Variants in MINDY3 observed in about 807,000 individuals in gnomAD.
MINDY3 encodes the protein ubiquitin carboxyl-terminal hydrolase MINDY-3.
A neutral mutation model predicts 69.2 loss-of-function variants in MINDY3; 38 were observed. The observed-to-expected ratio is 0.55, with a 90% CI of 0.42 to 0.72. The LOEUF (loss-of-function observed/expected upper bound fraction) is 0.72, where lower values mean the gene tolerates loss of function less well. Among genes scored for constraint, MINDY3 ranks in the 30% least tolerant of loss-of-function variants. MINDY3 has a pLI of 0.00. For missense variants in MINDY3, 522 were observed against 519.0 expected, an observed-to-expected ratio of 1.01 and a Z score of -0.06; for synonymous variants, 192 against 180.1, an observed-to-expected ratio of 1.07 and a Z score of -0.53.
At chr10:15,850,848 C>T (rs1489165700) in intron 1 of MINDY3, among the ~76,000 whole-genome samples, 1 of 152,144 alleles carries the variant, frequency 6.6e-6, no homozygotes, top group Non-Finnish European at 1.5e-5. Flanking sequence ...ATGGAACCTG[C>T]TGACATGTGA....
intron 1 of MINDY3, chr10:15,858,019 G>T: frequency 1.3e-6 from 1 of 786,160 alleles, no homozygotes; most frequent in Non-Finnish European, 1.5e-6. Flanking sequence ...GCAAAGCAGT[G>T]TCTTGTGCCT....
At chr10:15,812,258 A>G (rs568908447) in intron 10 of MINDY3, among the ~76,000 whole-genome samples, 5 of 152,318 alleles carry the variant, frequency 3.3e-5, no homozygotes, top group African/African-American at 1.2e-4. Flanking sequence ...GATTTATTCT[A>G]TAAATTTCAA....
At chr10:15,842,883 G>C (rs1412098951) in intron 3 of MINDY3, among the ~76,000 whole-genome samples, 2 of 132,694 alleles carry the variant, frequency 1.5e-5, no homozygotes, top group Non-Finnish European at 3.1e-5. Flanking sequence ...CTGAGGTCTT[G>C]CCCACAGCTA....
At chr10:15,846,881 G>T (rs893652169) in intron 2 of MINDY3, among the ~76,000 whole-genome samples, 2 of 151,792 alleles carry the variant, frequency 1.3e-5, no homozygotes, top group African/African-American at 2.4e-5. Flanking sequence ...CCACCACCAC[G>T]CCCGGCTAGT....
intron 11 of MINDY3, among the ~76,000 whole-genome samples, chr10:15,791,454 G>A (rs961426027): frequency 1.3e-5 from 2 of 151,874 alleles, no homozygotes; most frequent in Non-Finnish European, 2.9e-5. Flanking sequence ...GCAGATCTAT[G>A]AAGAACTAAA....
chr10:15,800,765 C>A (rs149501514), intron 10 of MINDY3, among the ~76,000 whole-genome samples: 1 of 152,046 alleles, frequency 6.6e-6, no homozygotes, highest in South Asian at 2.1e-4. Flanking sequence ...GCATAAATAT[C>A]GTAAAGAAAG....
chr10:15,842,419 T>C (rs928629574), intron 3 of MINDY3, among the ~76,000 whole-genome samples: 2 of 151,880 alleles, frequency 1.3e-5, no homozygotes, highest in South Asian at 2.1e-4. Context: ...AGAAATAGTA[T>C]AAATTTTATT....
At chr10:15,798,828 T>TTAAAG (rs1346104539) in intron 10 of MINDY3, among the ~76,000 whole-genome samples, 2 of 152,058 alleles carry the variant, frequency 1.3e-5, no homozygotes, top group East Asian at 1.9e-4. Context: ...TAGAAAGAAA[T>TTAAAG]TAAAGTAAAC....
At chr10:15,805,080 A>G (rs921040389) in intron 10 of MINDY3, among the ~76,000 whole-genome samples, 1 of 152,162 alleles carries the variant, frequency 6.6e-6, no homozygotes, top group South Asian at 2.1e-4. Context: ...AACAGATGTC[A>G]TCTACTCTTG....
chr10:15,821,421 CT>C (rs1839751101), intron 9 of MINDY3, among the ~76,000 whole-genome samples: 2 of 152,238 alleles, frequency 1.3e-5, no homozygotes, highest in East Asian at 3.9e-4. Context: ...GTACTGGGTT[CT>C]GCCCCTCCTC....
At chr10:15,858,197 T>C (rs1373187362) in intron 1 of MINDY3, among the ~76,000 whole-genome samples, 2 of 152,176 alleles carry the variant, frequency 1.3e-5, no homozygotes, top group Non-Finnish European at 2.9e-5. Flanking sequence ...TTAATCAGTG[T>C]AAGGCCTTGA....
intron 1 of MINDY3, among the ~76,000 whole-genome samples, chr10:15,851,750 CAGA>C (rs1834315320): frequency 6.6e-6 from 1 of 152,048 alleles, no homozygotes; most frequent in Non-Finnish European, 1.5e-5. Context: ...ACACAGTTGC[CAGA>C]AAGTATTTTA....
intron 1 of MINDY3, among the ~76,000 whole-genome samples, chr10:15,853,286 C>A (rs918623898): frequency 3.9e-5 from 6 of 151,988 alleles, no homozygotes; most frequent in African/African-American, 1.5e-4. Context: ...GGTGGTCCAC[C>A]GATAACCCTG....
At chr10:15,835,487 C>A (rs1833012109) in intron 6 of MINDY3, among the ~76,000 whole-genome samples, 1 of 151,994 alleles carries the variant, frequency 6.6e-6, no homozygotes, top group African/African-American at 2.4e-5. Context: ...TCCTCCTAAA[C>A]AATACAAATC....
At chr10:15,837,613 T>C (rs901325220) in intron 5 of MINDY3, 74 of 1,304,386 alleles carry the variant, frequency 5.7e-5, no homozygotes, top group Non-Finnish European at 7.1e-5. Flanking sequence ...TATACAGTTA[T>C]TTAAAGAATA....
chr10:15,852,661 T>A (rs774071261), intron 1 of MINDY3, among the ~76,000 whole-genome samples: 3 of 152,144 alleles, frequency 2.0e-5, no homozygotes, highest in Non-Finnish European at 2.9e-5. Flanking sequence ...AGATTAATCA[T>A]GTCATTGGGA....
intron 12 of MINDY3, among the ~76,000 whole-genome samples, chr10:15,788,279 A>C (rs1000363690): frequency 3.3e-5 from 5 of 152,122 alleles, no homozygotes; most frequent in Non-Finnish European, 7.4e-5. Context: ...AATTGAAAAC[A>C]ATTATTCATT....
intron 13 of MINDY3, among the ~76,000 whole-genome samples, chr10:15,784,103 T>C (rs765212818): frequency 5.9e-5 from 9 of 152,282 alleles, no homozygotes; most frequent in Non-Finnish European, 1.0e-4. Flanking sequence ...CTAAGATACC[T>C]AGTGTATGAC....
chr10:15,845,590 C>G (rs866269569), intron 2 of MINDY3, among the ~76,000 whole-genome samples: 35 of 152,076 alleles, frequency 2.3e-4, no homozygotes, highest in South Asian at 4.2e-4. Context: ...GCCCTGAACT[C>G]CTGAGCTCAA....
Sources: gnomAD v4.1 joint callset for allele counts (sites outside exome capture counted in the v4.1 genomes callset) on GRCh38, gnomAD v4.1.1 for gene constraint, MANE v1.5 for transcripts, NCBI Gene and HGNC (gene_info 2026-07-23, HGNC 2026-07-21) for gene names.